The following SCNN1B variants were observed in gnomAD, a reference collection of about 807,000 sequenced individuals.
The protein encoded by SCNN1B is epithelial sodium channel subunit beta.
Under a neutral mutation model 65.3 loss-of-function variants are expected in SCNN1B, and 46 were observed. The observed-to-expected ratio is 0.70, with a 90% CI of 0.56 to 0.90. The LOEUF (loss-of-function observed/expected upper bound fraction) is 0.90, where lower values mean the gene tolerates loss of function less well. Among genes scored for constraint, SCNN1B ranks in the 40% least tolerant of loss-of-function variants. SCNN1B has a pLI of 0.00. For synonymous variants in SCNN1B, 349 were observed against 330.6 expected (o/e 1.06, Z -0.60); for missense variants, 751 against 830.5 (o/e 0.90, Z 1.18).
chr16:23,290,703 A>G (rs1960910219), intron 2 of SCNN1B, among the ~76,000 whole-genome samples: 1 of 152,238 alleles, frequency 6.6e-6, no homozygotes. Flanking sequence ...AATTAAAAAA[A>G]ATTAGACTTT....
In SCNN1B at chr16:23,360,362, C is replaced by A. The variant is rs370841972; in HGVS notation, c.776+4873C>A. On this transcript the variant is annotated intron_variant, in intron 4 of 12. Transcript: ENST00000343070. ...ACCAACCTGAGCAACATAGTGAGAC[C>A]CCCCATCTCTACAAAAAACAATTTT... Among the ~76,000 whole-genome samples, 8 of 151,840 alleles carry A rather than the reference C, an allele frequency of 5.3e-5. No individual in the cohort carries two copies. The East Asian group carries it at 5.8e-4, about 11-fold the overall frequency.
chr16:23,293,474 TAG>T (rs757018966), intron 2 of SCNN1B, among the ~76,000 whole-genome samples: 19 of 152,294 alleles, frequency 1.2e-4, no homozygotes, highest in Middle Eastern at 3.4e-3. Context: ...GTCAAAATCA[TAG>T]AGACAGGAAG....
At chr16:23,293,771 A>T (rs1461533524) in intron 2 of SCNN1B, among the ~76,000 whole-genome samples, 1 of 151,984 alleles carries the variant, frequency 6.6e-6, no homozygotes, top group Non-Finnish European at 1.5e-5. Context: ...TACAAAAAAA[A>T]AATTAGCCTG....
At chr16:23,296,446 C>T (rs570319958) in intron 2 of SCNN1B, among the ~76,000 whole-genome samples, 3 of 152,182 alleles carry the variant, frequency 2.0e-5, no homozygotes, top group African/African-American at 2.4e-5. Context: ...CCACCCCACT[C>T]GAGGGCTGTC....
intron 5 of SCNN1B, among the ~76,000 whole-genome samples, chr16:23,369,877 G>A (rs1001587409): frequency 2.6e-5 from 4 of 152,204 alleles, no homozygotes; most frequent in Admixed American, 2.6e-4. Flanking sequence ...GTAAAATGGG[G>A]ACAATACTAG....
chr16:23,294,915 C>T (rs1960974518), intron 2 of SCNN1B, among the ~76,000 whole-genome samples: 1 of 152,030 alleles, frequency 6.6e-6, no homozygotes, highest in South Asian at 2.1e-4. Context: ...ATCACTTGAA[C>T]CTGGGAGGTG....
At chr16:23,362,632 G>A (rs1331827234) in intron 4 of SCNN1B, among the ~76,000 whole-genome samples, 1 of 152,204 alleles carries the variant, frequency 6.6e-6, no homozygotes, top group African/African-American at 2.4e-5. Context: ...AGCCAGTCCT[G>A]GGAGCAGCCT....
intron 5 of SCNN1B, among the ~76,000 whole-genome samples, chr16:23,370,522 G>A (rs2142038327): frequency 6.6e-6 from 1 of 152,336 alleles, no homozygotes; most frequent in Admixed American, 6.5e-5. Context: ...GGACCGTGGT[G>A]CGTGGGAGAC....
intron 4 of SCNN1B, among the ~76,000 whole-genome samples, chr16:23,360,591 GTTT>G (rs35772167): frequency 5.2e-5 from 5 of 95,260 alleles, no homozygotes; most frequent in Admixed American, 1.3e-4. Flanking sequence ...GGTGGTGGTG[GTTT>G]TTTTTTTTTT....
chr16:23,285,046 A>G (rs1960831121), intron 2 of SCNN1B, among the ~76,000 whole-genome samples: 1 of 152,230 alleles, frequency 6.6e-6, no homozygotes, highest in Non-Finnish European at 1.5e-5. Context: ...AAAAGAAAGA[A>G]TGAATAATCC....
chr16:23,374,268 G>GGAAAAAAAA (rs1491419571), intron 7 of SCNN1B, among the ~76,000 whole-genome samples: 4 of 60,442 alleles, frequency 6.6e-5, no homozygotes, highest in African/African-American at 2.2e-4. Context: ...CCTGTCTCAG[G>GGAAAAAAAA]AAAAAAAAAA....
intron 8 of SCNN1B, among the ~76,000 whole-genome samples, chr16:23,376,860 G>A (rs560805554): frequency 2.0e-5 from 3 of 151,910 alleles, no homozygotes; most frequent in Admixed American, 2.0e-4. Context: ...ATGGGAAAAC[G>A]TTATTCCTTC....
chr16:23,344,610 G>A (rs1962145611), intron 1 of SCNN1B, among the ~76,000 whole-genome samples: 1 of 152,174 alleles, frequency 6.6e-6, no homozygotes, highest in African/African-American at 2.4e-5. Flanking sequence ...TAGACCTTCT[G>A]GGGAAAGTTG....
At position 23,348,856 on chromosome 16, in the gene SCNN1B, G is replaced by A; in HGVS notation, c.257G>A (p.Gly86Asp). Residue 86 changes from glycine to aspartate, a missense_variant, in exon 2 of 13, where the codon GGC (glycine) becomes GAC (aspartate). Gly to Asp is a moderately conservative substitution (Grantham distance 94, BLOSUM62 -1). Transcript: ENST00000343070. This position sits in a 1 kb window ranked among gnomAD's most constrained non-coding sequence, Gnocchi z 4.5. ...GAGGTCAGCGTCTCCCTCTCCGTAGGCTTCAAGACCATGGACTTCCCTGCC... is the reference window on the plus strand; with the variant it reads ...GAGGTCAGCGTCTCCCTCTCCGTAGACTTCAAGACCATGGACTTCCCTGCC... Reference protein sequence around the residue: ...SWEVSVSLSVGFKTMDFPAVT... With the variant: ...SWEVSVSLSVDFKTMDFPAVT... The A allele has an allele frequency of 6.2e-7, 1 of 1,614,096 alleles. No homozygotes were observed. The highest frequency in any genetic ancestry group is 8.5e-7 in the Non-Finnish European group (1 of 1,180,018).
At chr16:23,298,632 A>C (rs1961030263), upstream of SCNN1B, among the ~76,000 whole-genome samples, 1 of 152,174 alleles carries the variant, frequency 6.6e-6, no homozygotes, top group African/African-American at 2.4e-5. Context: ...TTCCTACCTC[A>C]AAACGATCCA....
At chr16:23,375,909 C>G in intron 8 of SCNN1B, 54 bp downstream of exon 8, 3 of 1,244,256 alleles carry the variant, frequency 2.4e-6, no homozygotes, top group South Asian at 2.4e-5. Context: ...CACAGAGGCT[C>G]TGACCATAGA....
intron 4 of SCNN1B, among the ~76,000 whole-genome samples, chr16:23,359,564 T>A (rs1962491678): frequency 6.6e-6 from 1 of 152,076 alleles, no homozygotes; most frequent in African/African-American, 2.4e-5. Flanking sequence ...GCCTCTCTGC[T>A]CTCCCGGTGC....
chr16:23,293,114 C>CAAA (rs1191618996), intron 2 of SCNN1B, among the ~76,000 whole-genome samples: 431 of 34,164 alleles, frequency 0.013, 71 homozygotes, highest in African/African-American at 0.026. Flanking sequence ...GACTCATTCT[C>CAAA]AAAAAAAAAA....
intron 5 of SCNN1B, among the ~76,000 whole-genome samples, chr16:23,369,376 G>A (rs1015842004): frequency 3.3e-5 from 5 of 152,234 alleles, no homozygotes; most frequent in East Asian, 1.9e-4. Flanking sequence ...GATCCACTGC[G>A]CCCAGCTGTA....
Sources: gnomAD v4.1 joint callset for allele counts (sites outside exome capture counted in the v4.1 genomes callset) on GRCh38, gnomAD v4.1.1 for gene constraint, Gnocchi (gnomAD v3.1) non-coding constraint, MANE v1.5 for transcripts, NCBI Gene and HGNC (gene_info 2026-07-23, HGNC 2026-07-21) for gene names.